The following DNAH7 variants were observed in gnomAD, a reference collection of about 807,000 sequenced individuals.
DNAH7 encodes axonemal beta dynein heavy chain 7.
Under a neutral mutation model 444.6 loss-of-function variants are expected in DNAH7, and 397 were observed. The ratio of observed to expected loss-of-function variants is 0.89; its 90% CI spans 0.82 to 0.97. DNAH7 has a LOEUF of 0.97. Among genes scored for constraint, DNAH7 ranks in the 50% least tolerant of loss-of-function variants. The pLI is 0.00. For synonymous variants in DNAH7, 1,636 were observed against 1,624.4 expected, an observed-to-expected ratio of 1.01 and a Z score of -0.17; for missense variants, 4,902 against 4,800.8, an observed-to-expected ratio of 1.02 and a Z score of -0.62.
At chr2:196,020,999 G>C (rs1281522228) in intron 8 of DNAH7, among the ~76,000 whole-genome samples, 2 of 152,134 alleles carry the variant, frequency 1.3e-5, no homozygotes, top group African/African-American at 4.8e-5. Context: ...CTATTTAAGA[G>C]ATTTATTCCT....
chr2:195,880,347 G>A (rs1001819523), intron 36 of DNAH7, among the ~76,000 whole-genome samples: 3 of 54,696 alleles, frequency 5.5e-5, no homozygotes, highest in Non-Finnish European at 1.1e-4. Flanking sequence ...TTTTTTTTTT[G>A]AGACGGAGTC....
intron 15 of DNAH7, among the ~76,000 whole-genome samples, chr2:195,976,308 G>A (rs2101529): frequency 0.05 from 7,536 of 152,230 alleles, 629 homozygotes; most frequent in African/African-American, 0.17. Context: ...CCAAGGACCT[G>A]TGGTGGTGGT....
chr2:196,017,707 A>G (rs1467510142), intron 9 of DNAH7, among the ~76,000 whole-genome samples: 1 of 136,636 alleles, frequency 7.3e-6, no homozygotes, highest in Non-Finnish European at 1.5e-5. Flanking sequence ...AAGGGGGAAA[A>G]GGTAAGATTG....
At chr2:195,900,647 G>A in intron 27 of DNAH7, 153 bp from the exon 28 acceptor site, 1 of 669,758 alleles carries the variant, frequency 1.5e-6, no homozygotes, top group Non-Finnish European at 2.5e-6. Context: ...TAGAGGCTGG[G>A]AAAGGTGAGG....
chr2:195,850,226 T>A (rs899608081), intron 46 of DNAH7, among the ~76,000 whole-genome samples: 3 of 150,528 alleles, frequency 2.0e-5, no homozygotes, highest in African/African-American at 4.9e-5. Flanking sequence ...TTCAAGCCAA[T>A]GGCCTTGGCT....
chr2:195,968,215 A>C (rs1370614864), intron 17 of DNAH7, among the ~76,000 whole-genome samples: 1 of 152,168 alleles, frequency 6.6e-6, no homozygotes, highest in Non-Finnish European at 1.5e-5. Flanking sequence ...AGTGTGGCTG[A>C]GTTGGTACCC....
intron 24 of DNAH7, among the ~76,000 whole-genome samples, chr2:195,919,107 G>A (rs866081737): frequency 6.6e-6 from 1 of 151,822 alleles, no homozygotes; most frequent in Non-Finnish European, 1.5e-5. Context: ...AAAAATAGCT[G>A]GGTGTGGTGG....
At chr2:195,778,512 C>T (rs185456607) in intron 58 of DNAH7, among the ~76,000 whole-genome samples, 213 of 149,224 alleles carry the variant, frequency 1.4e-3, no homozygotes, top group African/African-American at 4.8e-3. Context: ...TAGCACATGC[C>T]TATAGTCCCA....
chr2:195,881,801 G>A lies in DNAH7; in HGVS notation c.5955C>T (p.Tyr1985=), dbSNP rs1296606329. The change falls in exon 36 of 65, where the codon TAC becomes TAT. Residue 1985 remains tyrosine, a synonymous_variant. Transcript: ENST00000312428. ...VGPTGTGKSV[Y]ITNFLLNQLN... is the part of the protein sequence containing the mutation. ...AGATTTCTGCAGTACTTACCGTAAT[G>A]TAAACACTTTTCCCAGTTCCTGTTG... 3.1e-6 allele frequency: 5 copies of A among 1,613,810 alleles called. No individual in the cohort carries two copies. The highest frequency in any genetic ancestry group is 4.2e-6 in the Non-Finnish European group (5 of 1,179,732).
intron 15 of DNAH7, among the ~76,000 whole-genome samples, chr2:195,975,185 C>A (rs1450033450): frequency 6.6e-6 from 1 of 152,160 alleles, no homozygotes; most frequent in Non-Finnish European, 1.5e-5. Flanking sequence ...CTTCATATTA[C>A]TGAAAGAGAC....
intron 8 of DNAH7, among the ~76,000 whole-genome samples, chr2:196,024,151 A>G (rs4287783): frequency 0.74 from 113,212 of 151,976 alleles, 42,356 homozygotes; most frequent in East Asian, 0.9. Context: ...GTGAGCACAC[A>G]CTGTTAGAAA....
chr2:195,852,008 C>T (rs141653318), intron 46 of DNAH7, among the ~76,000 whole-genome samples: 194 of 152,144 alleles, frequency 1.3e-3, no homozygotes, highest in African/African-American at 4.2e-3. Flanking sequence ...CCTGTAATCC[C>T]GGCACTTTGG....
intron 63 of DNAH7, among the ~76,000 whole-genome samples, chr2:195,746,474 C>G (rs1249540150): frequency 6.6e-6 from 1 of 152,174 alleles, no homozygotes; most frequent in African/African-American, 2.4e-5. Flanking sequence ...AGGAATTGAA[C>G]TCAGCTCTGC....
At chr2:195,781,645 A>G (rs893168696) in intron 58 of DNAH7, among the ~76,000 whole-genome samples, 1 of 149,258 alleles carries the variant, frequency 6.7e-6, no homozygotes, top group Non-Finnish European at 1.5e-5. Context: ...TTATATAAGA[A>G]GTTCGTTTTA....
chr2:196,048,142 T>C (rs116181411), intron 4 of DNAH7, among the ~76,000 whole-genome samples, 154 bp downstream of exon 4: 2,387 of 152,320 alleles, frequency 0.016, 56 homozygotes, highest in African/African-American at 0.054. Flanking sequence ...TACAATCAAT[T>C]ATTTTCTGAG....
intron 35 of DNAH7, among the ~76,000 whole-genome samples, chr2:195,883,449 G>GCCCCCCCCCCC (rs1203503298): frequency 1.5e-5 from 2 of 135,860 alleles, no homozygotes; most frequent in African/African-American, 6.9e-5. Context: ...CTCAGTCCCC[G>GCCCCCCCCCCC]CTCCCCCCCC....
intron 47 of DNAH7, among the ~76,000 whole-genome samples, chr2:195,836,010 C>T (rs1698353078): frequency 6.6e-6 from 1 of 152,132 alleles, no homozygotes; most frequent in South Asian, 2.1e-4. Context: ...CAGTTCTGGA[C>T]CCTGAAAGTC....
Position 195,897,870 on chromosome 2 carries a change from TA to T in DNAH7, c.4549-106del, listed in dbSNP as rs1702424176. The T allele has an allele frequency of 5.2e-5, 27 of 516,026 alleles. No individual in the cohort carries two copies. The South Asian group carries it at 1.0e-3, about 19-fold the overall frequency. 32.0% of individuals were successfully genotyped at this position (516,026 alleles called of 1,614,324 possible). A position where few individuals can be genotyped will look rare whatever the true frequency, so the allele number is the denominator to read the frequency against. On this transcript the variant is annotated intron_variant, in intron 28 of 64. Coordinates refer to ENST00000312428, the MANE Select transcript of DNAH7 (RefSeq NM_018897.3). The stretch of plus-strand genomic sequence containing the variant: ...AACCTACAGACCCTGTAACTCAGTT[TA>T]AACAAATGCAGCTCTTCTTTCTTTA...
At chr2:195,869,107 T>C (rs1299676862) in intron 40 of DNAH7, among the ~76,000 whole-genome samples, 1 of 151,880 alleles carries the variant, frequency 6.6e-6, no homozygotes, top group East Asian at 1.9e-4. Context: ...ACAGGTTTTA[T>C]TGAGTGAAAG....
Sources: gnomAD v4.1 joint callset for allele counts (sites outside exome capture counted in the v4.1 genomes callset) on GRCh38, gnomAD v4.1.1 for gene constraint, MANE v1.5 for transcripts, NCBI Gene and HGNC (gene_info 2026-07-23, HGNC 2026-07-21) for gene names.